RIMS1: variants seen among roughly 807,000 people sequenced by gnomAD.
RIMS1 encodes regulating synaptic membrane exocytosis protein 1.
RIMS1 carries 83 observed loss-of-function variants against 214.1 expected under a neutral mutation model. That is an observed-to-expected ratio of 0.39 (90% CI 0.32 to 0.47). The LOEUF (loss-of-function observed/expected upper bound fraction) is 0.47, where lower values mean the gene tolerates loss of function less well. Ranked by LOEUF, RIMS1 falls within the 20% of genes least tolerant of loss-of-function variation. RIMS1 has a pLI of 0.99. For synonymous variants in RIMS1, 793 were observed against 786.8 expected (o/e 1.01, Z -0.13); for missense variants, 2,050 against 2,161.8 (o/e 0.95, Z 1.03).
intron 4 of RIMS1, among the ~76,000 whole-genome samples, chr6:72,139,996 C>T (rs937288358): frequency 5.3e-5 from 8 of 152,108 alleles, no homozygotes; most frequent in South Asian, 4.1e-4. Flanking sequence ...TTGTATTTAA[C>T]TTTGTGGGAT....
chr6:72,241,746 C>T (rs117729794), intron 9 of RIMS1, among the ~76,000 whole-genome samples: 89 of 152,230 alleles, frequency 5.8e-4, no homozygotes, highest in East Asian at 3.5e-3. Flanking sequence ...TAGCTACCTG[C>T]GTTAACTGAT....
chr6:72,282,582 A>G (rs1563517569), intron 23 of RIMS1, among the ~76,000 whole-genome samples: 1 of 152,158 alleles, frequency 6.6e-6, no homozygotes, highest in East Asian at 1.9e-4. Context: ...TCTTTGCTGT[A>G]TAGTATAGAA....
At chr6:72,126,849 C>A (rs72936919) in intron 4 of RIMS1, 8,532 of 157,910 alleles carry the variant, frequency 0.054, 307 homozygotes, top group Middle Eastern at 0.084. Context: ...TAAACTAGTA[C>A]AACTATGGAA....
chr6:72,283,056 ATACT>A (rs2090926715), intron 23 of RIMS1, among the ~76,000 whole-genome samples: 1 of 152,024 alleles, frequency 6.6e-6, no homozygotes, highest in African/African-American at 2.4e-5. Flanking sequence ...TATATACTAG[ATACT>A]TAATTAGGAT....
chr6:71,941,362 G>C (rs1297538941), intron 1 of RIMS1, among the ~76,000 whole-genome samples: 2 of 152,144 alleles, frequency 1.3e-5, no homozygotes, highest in Non-Finnish European at 2.9e-5. Flanking sequence ...TTTTACAAAA[G>C]TGGCAATCAT....
At chr6:72,262,110 G>A in intron 19 of RIMS1, 3 of 984,748 alleles carry the variant, frequency 3.0e-6, no homozygotes, top group Non-Finnish European at 3.6e-6. Flanking sequence ...CTTAGTGTGT[G>A]CCTGGCACTC....
chr6:71,910,271 A>T, intron 1 of RIMS1, among the ~76,000 whole-genome samples: 1 of 152,252 alleles, frequency 6.6e-6, no homozygotes, highest in African/African-American at 2.4e-5. Flanking sequence ...TTAAAAATAT[A>T]TTATTTTAGG....
intron 6 of RIMS1, among the ~76,000 whole-genome samples, chr6:72,207,634 G>A (rs1394918211): frequency 6.6e-6 from 1 of 152,064 alleles, no homozygotes; most frequent in Non-Finnish European, 1.5e-5. Context: ...CGTTTGAACT[G>A]ACAAATCAGA....
intron 29 of RIMS1, among the ~76,000 whole-genome samples, chr6:72,351,218 C>T (rs1253122265): frequency 1.3e-5 from 2 of 151,880 alleles, no homozygotes; most frequent in Admixed American, 1.3e-4. Flanking sequence ...GCCATTAGCT[C>T]TGTTTTAAGC....
chr6:71,944,607 A>G lies in RIMS1; in HGVS notation c.165-24376A>G, dbSNP rs147736662. 9.2e-3 allele frequency among the ~76,000 whole-genome samples: 1,401 copies of G among 152,320 alleles called. 21 individuals are homozygous for G. Among genetic ancestry groups the G allele is most frequent in the African/African-American group, 0.03 (1,249 of 41,572 alleles). ...TGTGAGGCAGAAAAGTAGTGAGACCATTGAGAAGTGAGAGAAAATAATGGG... is the reference window on the plus strand; with the variant it reads ...TGTGAGGCAGAAAAGTAGTGAGACCGTTGAGAAGTGAGAGAAAATAATGGG... On this transcript the variant is annotated intron_variant, in intron 1 of 33. Coordinates refer to ENST00000521978, the MANE Select transcript of RIMS1 (RefSeq NM_014989.7).
chr6:72,089,322 T>C (rs993689835), intron 2 of RIMS1, among the ~76,000 whole-genome samples: 1 of 152,192 alleles, frequency 6.6e-6, no homozygotes, highest in African/African-American at 2.4e-5. Context: ...TCTCCTGCTG[T>C]GGCTCTTGTG....
chr6:72,391,377 A>G (rs1261903886), intron 30 of RIMS1, among the ~76,000 whole-genome samples: 1 of 145,188 alleles, frequency 6.9e-6, no homozygotes, highest in Non-Finnish European at 1.5e-5. Context: ...TTACCATTTC[A>G]TATGGATCCT....
rs557990479 is a variant in RIMS1 at position 72,228,185 on chromosome 6, A to T, written c.1679-5588A>T. Among the ~76,000 whole-genome samples the T allele has an allele frequency of 1.5e-3, 226 of 152,044 alleles. 2 individuals are homozygous for T. Among genetic ancestry groups the T allele is most frequent in the African/African-American group, 5.3e-3 (221 of 41,562 alleles). On this transcript the variant is annotated intron_variant, in intron 6 of 33. Coordinates refer to ENST00000521978, the MANE Select transcript of RIMS1 (RefSeq NM_014989.7). ...ACTTAACGTTAAGATTTACCTTCTTAGCAAATTTTTAAGTATGACACACAG... is the reference window on the plus strand; with the variant it reads ...ACTTAACGTTAAGATTTACCTTCTTTGCAAATTTTTAAGTATGACACACAG...
chr6:72,232,346 C>T (rs1332676255), intron 6 of RIMS1, among the ~76,000 whole-genome samples: 5 of 151,518 alleles, frequency 3.3e-5, no homozygotes, highest in African/African-American at 1.2e-4. Flanking sequence ...TCAGAACAAG[C>T]TGTCATAATA....
In RIMS1 at chr6:72,008,642, A is replaced by C. The variant is rs138084369; in HGVS notation, c.245+39579A>C. On this transcript the variant is annotated intron_variant, in intron 2 of 33. Coordinates refer to ENST00000521978, the MANE Select transcript of RIMS1 (RefSeq NM_014989.7). Reference sequence around the variant, plus strand: ...GGATGGAGGAAGATCTACCAAGCAAATGGAAAACAAAAAAAGGCAGGGGTT... The same window carrying C: ...GGATGGAGGAAGATCTACCAAGCAACTGGAAAACAAAAAAAGGCAGGGGTT... 2.0e-3 allele frequency among the ~76,000 whole-genome samples: 310 copies of C among 152,318 alleles called. 5 individuals are homozygous for C. In the East Asian group the frequency reaches 0.047, roughly 23 times the overall value.
At chr6:72,169,185 A>G (rs1347037898) in intron 4 of RIMS1, among the ~76,000 whole-genome samples, 1 of 152,234 alleles carries the variant, frequency 6.6e-6, no homozygotes, top group African/African-American at 2.4e-5. Flanking sequence ...GGTACAAAAT[A>G]AAATTGAAAT....
At chr6:72,219,570 GA>G (rs1383350282) in intron 6 of RIMS1, among the ~76,000 whole-genome samples, 3 of 152,034 alleles carry the variant, frequency 2.0e-5, no homozygotes, top group Non-Finnish European at 4.4e-5. Flanking sequence ...ACTGACTTCA[GA>G]AAAGGGGGTA....
intron 1 of RIMS1, among the ~76,000 whole-genome samples, chr6:71,919,796 A>G (rs1456276552): frequency 6.6e-6 from 1 of 152,202 alleles, no homozygotes; most frequent in African/African-American, 2.4e-5. Flanking sequence ...GTTTTAAAGA[A>G]TGAAAGGCTG....
intron 24 of RIMS1, among the ~76,000 whole-genome samples, chr6:72,285,969 G>A (rs746371443): frequency 3.9e-5 from 6 of 152,026 alleles, no homozygotes; most frequent in African/African-American, 1.2e-4. Flanking sequence ...AGGCCAAGGC[G>A]GGCAGATCAT....
Sources: allele counts gnomAD v4.1 joint callset (sites outside exome capture counted in the v4.1 genomes callset), GRCh38; gene constraint gnomAD v4.1.1; transcripts MANE v1.5; gene names NCBI Gene and HGNC (gene_info 2026-07-23, HGNC 2026-07-21).